Variants in SLC7A5 observed in about 807,000 individuals in gnomAD.
The protein encoded by SLC7A5 is large neutral amino acids transporter small subunit 1.
Under a neutral mutation model 50.2 loss-of-function variants are expected in SLC7A5, and 23 were observed. That is an observed-to-expected ratio of 0.46 (90% CI 0.33 to 0.65). SLC7A5 has a LOEUF of 0.65. SLC7A5 is among the 30% of genes least tolerant of loss of function. The probability of loss-of-function intolerance (pLI) is 0.02; values close to 1 mark genes in which losing one functional copy is unlikely to be tolerated. For synonymous variants in SLC7A5, 393 were observed against 330.6 expected (o/e 1.19, Z -2.05); for missense variants, 578 against 684.4 (o/e 0.84, Z 1.73).
At chr16:87,868,162 G>T (rs1284793699) in intron 1 of SLC7A5, among the ~76,000 whole-genome samples, 1 of 151,140 alleles carries the variant, frequency 6.6e-6, no homozygotes. Flanking sequence ...AAACTATTTT[G>T]AAAAGCAGTT....
rs141073967 is a variant in SLC7A5 at position 87,832,961 on chromosome 16, G to A, written c.*9C>T. On this transcript the variant is annotated 3_prime_UTR_variant, in exon 10 of 10. Coordinates refer to ENST00000261622, the MANE Select transcript of SLC7A5 (RefSeq NM_003486.7). The surrounding 1 kb of genome is among the most constrained non-coding windows in gnomAD (Gnocchi z 4.6). ...CGCATGCTCCTCCGGCAGCCACTCG[G>A]CCTCCTGGCTATGTCTCCTGGGGGA... 36 of 1,612,614 alleles carry A rather than the reference G, an allele frequency of 2.2e-5. No individual in the cohort carries two copies. In the African/African-American group the frequency reaches 4.8e-4, roughly 21 times the overall value.
intron 2 of SLC7A5, among the ~76,000 whole-genome samples, chr16:87,842,477 G>A (rs1484663776): frequency 6.6e-6 from 1 of 152,244 alleles, no homozygotes; most frequent in African/African-American, 2.4e-5. Flanking sequence ...CAAACAAAGT[G>A]CGCACTTCAA....
intron 4 of SLC7A5, 141 bp downstream of exon 4, chr16:87,840,288 C>A: frequency 1.3e-6 from 1 of 768,904 alleles, no homozygotes; most frequent in Admixed American, 2.1e-5. Flanking sequence ...CGCCCCACAT[C>A]CTGCTGGCCC....
chr16:87,854,373 G>A (rs1217736151), intron 1 of SLC7A5, among the ~76,000 whole-genome samples: 2 of 152,178 alleles, frequency 1.3e-5, no homozygotes, highest in South Asian at 2.1e-4. Context: ...TCTCCACAGT[G>A]TCCTTTTTTT....
chr16:87,846,112 C>T (rs1340691960), intron 2 of SLC7A5, among the ~76,000 whole-genome samples: 1 of 152,222 alleles, frequency 6.6e-6, no homozygotes, highest in African/African-American at 2.4e-5. Flanking sequence ...ACCCTTGGGG[C>T]AGCCAACGCC....
At chr16:87,838,653 T>C in intron 6 of SLC7A5, 61 bp downstream of exon 6, 1 of 1,229,918 alleles carries the variant, frequency 8.1e-7, no homozygotes, top group South Asian at 1.2e-5. Flanking sequence ...ACATGGAACA[T>C]GTTGAACCTG....
At position 87,833,279 on chromosome 16, in the gene SLC7A5, G is replaced by A. The variant is rs970920648; in HGVS notation, c.1469-254C>T. Among the ~76,000 whole-genome samples, 7 of 152,258 alleles carry A rather than the reference G, an allele frequency of 4.6e-5. No individual in the cohort carries two copies. The highest frequency in any genetic ancestry group is 1.7e-4 in the African/African-American group (7 of 41,472). On this transcript the variant is annotated intron_variant, in intron 9 of 9. Coordinates refer to ENST00000261622, the MANE Select transcript of SLC7A5 (RefSeq NM_003486.7). The surrounding 1 kb of genome is among the most constrained non-coding windows in gnomAD (Gnocchi z 6.0). Reference sequence around the variant, plus strand: ...CCCCTCGCCTGCTTCAGAACCCTGGGGAGGCAGAGTGCGGCCCCTGGGGCA... The same window carrying A: ...CCCCTCGCCTGCTTCAGAACCCTGGAGAGGCAGAGTGCGGCCCCTGGGGCA...
chr16:87,836,362 G>C, intron 8 of SLC7A5, 136 bp downstream of exon 8: 1 of 969,252 alleles, frequency 1.0e-6, no homozygotes, highest in Non-Finnish European at 1.6e-6. Flanking sequence ...ACCGGAATTA[G>C]TCGACCCAGG....
At chr16:87,851,551 C>T (rs1161957782) in intron 2 of SLC7A5, among the ~76,000 whole-genome samples, 173 bp downstream of exon 2, 4 of 152,268 alleles carry the variant, frequency 2.6e-5, no homozygotes, top group Non-Finnish European at 5.9e-5. Flanking sequence ...CTGTGTCCCC[C>T]TCTGGGTCGG....
chr16:87,845,317 T>G (rs2055137630), intron 2 of SLC7A5, among the ~76,000 whole-genome samples: 1 of 152,216 alleles, frequency 6.6e-6, no homozygotes, highest in Admixed American at 6.5e-5. Flanking sequence ...GAGTCCCATG[T>G]GGTCAGCACC....
chr16:87,837,716 C>A, intron 7 of SLC7A5, 129 bp downstream of exon 7: 1 of 715,666 alleles, frequency 1.4e-6, no homozygotes, highest in Non-Finnish European at 2.4e-6. Flanking sequence ...CGGAGCTCGG[C>A]AGGAGGCCAC....
intron 1 of SLC7A5, among the ~76,000 whole-genome samples, chr16:87,866,135 G>A (rs1198064178): frequency 2.6e-5 from 4 of 152,218 alleles, no homozygotes; most frequent in East Asian, 3.9e-4. Context: ...TGTTCCTGCC[G>A]ACACAGGGAA....
At position 87,862,766 on chromosome 16, in the gene SLC7A5, G is replaced by A. The variant is rs1256844266; in HGVS notation, c.538+6119C>T. Among the ~76,000 whole-genome samples the A allele has an allele frequency of 6.6e-6, 1 of 152,250 alleles. No homozygotes were observed. The highest frequency in any genetic ancestry group is 2.4e-5 in the African/African-American group (1 of 41,470). ...AATCCCATTCCACAGTCAGAAACAG[G>A]CTCGGCGGGGCCAGGTGGATTTCTC... On this transcript the variant is annotated intron_variant, in intron 1 of 9. Coordinates refer to ENST00000261622, the MANE Select transcript of SLC7A5 (RefSeq NM_003486.7). The surrounding 1 kb of genome is among the most constrained non-coding windows in gnomAD (Gnocchi z 5.3).
In SLC7A5 at chr16:87,833,125, A is replaced by G. The variant is rs1370348369; in HGVS notation, c.1469-100T>C. 7.2e-6 allele frequency: 7 copies of G among 966,258 alleles called. No homozygotes were observed. In the African/African-American group the frequency reaches 9.6e-5, roughly 13 times the overall value. 59.9% of individuals were successfully genotyped at this position (966,258 alleles called of 1,614,324 possible). A position where few individuals can be genotyped will look rare whatever the true frequency, so the allele number is the denominator to read the frequency against. On this transcript the variant is annotated intron_variant, in intron 9 of 9. Coordinates refer to ENST00000261622, the MANE Select transcript of SLC7A5 (RefSeq NM_003486.7). The surrounding 1 kb of genome is among the most constrained non-coding windows in gnomAD (Gnocchi z 6.0). ...GGCTCCCCCAGCCCTGCTGTCACCA[A>G]ACCCAGCGCCGCTGCCCAGCGCTGG...
At chr16:87,845,156 CAT>C (rs1172321625) in intron 2 of SLC7A5, among the ~76,000 whole-genome samples, 12 of 149,504 alleles carry the variant, frequency 8.0e-5, no homozygotes, top group East Asian at 1.9e-4. Flanking sequence ...TGTCACCACA[CAT>C]GAGGGGCCAA....
intron 2 of SLC7A5, among the ~76,000 whole-genome samples, chr16:87,849,765 T>C (rs890430710): frequency 1.3e-5 from 2 of 152,108 alleles, no homozygotes; most frequent in Non-Finnish European, 2.9e-5. Flanking sequence ...GAATTGGGAC[T>C]TCCTGCCAGC....
intron 2 of SLC7A5, among the ~76,000 whole-genome samples, chr16:87,842,026 T>G (rs943470727): frequency 6.6e-6 from 1 of 152,206 alleles, no homozygotes; most frequent in Non-Finnish European, 1.5e-5. Flanking sequence ...GAAATGGGCC[T>G]GGTGTGTTCG....
rs1010028979 is a variant in SLC7A5 at position 87,830,832 on chromosome 16, A to T, written c.*2138T>A. 2.6e-5 allele frequency: 4 copies of T among 152,308 alleles called. No homozygotes were observed. Among genetic ancestry groups the T allele is most frequent in the African/African-American group, 9.6e-5 (4 of 41,464 alleles). The allele number at this position is 152,308 out of a possible 1,614,324, so 9.4% of individuals were successfully genotyped here. A position where few individuals can be genotyped will look rare whatever the true frequency, so the allele number is the denominator to read the frequency against. On this transcript the variant is annotated 3_prime_UTR_variant, in exon 10 of 10. Coordinates refer to ENST00000261622, the MANE Select transcript of SLC7A5 (RefSeq NM_003486.7). ...CAACAGGCAAGTGCGTGCCGTCGAG[A>T]GGCCGCCGGCTCCCTGTATCCTTGA... is the stretch of plus-strand genomic sequence containing the variant.
chr16:87,864,465 G>GC (rs772803370), intron 1 of SLC7A5, among the ~76,000 whole-genome samples: 3 of 152,094 alleles, frequency 2.0e-5, no homozygotes, highest in Non-Finnish European at 4.4e-5. Flanking sequence ...CCTGTCAGAA[G>GC]CCCCCCTATA....
Sources: allele counts gnomAD v4.1 joint callset (sites outside exome capture counted in the v4.1 genomes callset), GRCh38; gene constraint gnomAD v4.1.1; non-coding constraint Gnocchi (gnomAD v3.1); transcripts MANE v1.5; gene names NCBI Gene and HGNC (gene_info 2026-07-23, HGNC 2026-07-21).